PDE4D: variants seen among roughly 807,000 people sequenced by gnomAD.
The protein encoded by PDE4D is phosphodiesterase 4D.
In PDE4D, 24 loss-of-function variants were observed where a neutral mutation model predicts 87.4. The ratio of observed to expected loss-of-function variants is 0.27; its 90% CI spans 0.20 to 0.39. The LOEUF is 0.39. Ranked by LOEUF, PDE4D falls within the 10% of genes least tolerant of loss-of-function variation. PDE4D has a pLI of 1.00. For missense variants in PDE4D, 714 were observed against 1,041.0 expected (o/e 0.69, Z 4.32); for synonymous variants, 384 against 383.2 (o/e 1.00, Z -0.02).
intron 1 of PDE4D, among the ~76,000 whole-genome samples, chr5:60,227,903 C>T (rs1045981819): frequency 2.6e-5 from 4 of 151,976 alleles, no homozygotes; most frequent in Non-Finnish European, 4.4e-5. Flanking sequence ...TCATTGCAGT[C>T]GCACGTCACA....
chr5:60,056,294 C>A (rs1194166949), intron 2 of PDE4D, among the ~76,000 whole-genome samples: 1 of 152,000 alleles, frequency 6.6e-6, no homozygotes, highest in African/African-American at 2.4e-5. Context: ...ATGAGGCTGG[C>A]AGGCTGCACT....
intron 1 of PDE4D, among the ~76,000 whole-genome samples, chr5:60,263,342 C>T (rs1411283523): frequency 2.6e-5 from 4 of 152,166 alleles, no homozygotes; most frequent in African/African-American, 4.8e-5. Flanking sequence ...TTCCTTAACA[C>T]CTGAGACAAC....
intron 1 of PDE4D, among the ~76,000 whole-genome samples, chr5:59,502,688 G>A (rs1240977745): frequency 6.6e-6 from 1 of 151,228 alleles, no homozygotes; most frequent in African/African-American, 2.4e-5. Context: ...GTGTGTGTGT[G>A]TGTGTGTGTG....
At chr5:59,648,067 T>C (rs1485947606) in intron 1 of PDE4D, among the ~76,000 whole-genome samples, 1 of 152,206 alleles carries the variant, frequency 6.6e-6, no homozygotes, top group Non-Finnish European at 1.5e-5. Flanking sequence ...ACTTAGACTC[T>C]TGGATGATTC....
intron 1 of PDE4D, chr5:60,460,252 G>T: frequency 8.9e-7 from 1 of 1,126,062 alleles, no homozygotes; most frequent in Non-Finnish European, 1.4e-6. Context: ...CTTTGAAGAT[G>T]GATCACCACT....
intron 1 of PDE4D, among the ~76,000 whole-genome samples, chr5:59,483,256 A>G (rs1032823075): frequency 2.6e-5 from 4 of 152,168 alleles, no homozygotes; most frequent in African/African-American, 9.7e-5. Context: ...CTGTGGGAGT[A>G]AATTCCTTAA....
chr5:59,403,192 G>C (rs917061518), intron 1 of PDE4D, among the ~76,000 whole-genome samples: 3 of 152,008 alleles, frequency 2.0e-5, no homozygotes, highest in Non-Finnish European at 4.4e-5. Flanking sequence ...TAGATAGATT[G>C]ATTGATTTAT....
upstream of PDE4D, among the ~76,000 whole-genome samples, chr5:59,898,631 G>T (rs1037652682): frequency 3.3e-5 from 5 of 152,168 alleles, no homozygotes; most frequent in Non-Finnish European, 5.9e-5. Context: ...AAGGCATTTT[G>T]GGCAGAGACT....
chr5:59,104,016 G>A (rs867761963), intron 5 of PDE4D, among the ~76,000 whole-genome samples: 4 of 151,482 alleles, frequency 2.6e-5, no homozygotes, highest in African/African-American at 4.8e-5. Context: ...AGTGATAATC[G>A]AATTAGATAA....
intron 1 of PDE4D, among the ~76,000 whole-genome samples, chr5:60,467,940 C>G (rs1432643686): frequency 6.6e-6 from 1 of 152,140 alleles, no homozygotes; most frequent in Non-Finnish European, 1.5e-5. Flanking sequence ...CCAGGCTCCT[C>G]CTCTGACACA....
At chr5:59,959,522 A>T (rs1759231583) in intron 3 of PDE4D, among the ~76,000 whole-genome samples, 1 of 152,182 alleles carries the variant, frequency 6.6e-6, no homozygotes, top group African/African-American at 2.4e-5. Context: ...CACATAGACC[A>T]ATGAAACAGA....
intron 1 of PDE4D, among the ~76,000 whole-genome samples, chr5:59,695,891 G>A (rs6861008): frequency 0.072 from 10,907 of 152,204 alleles, 1,205 homozygotes; most frequent in African/African-American, 0.24. Flanking sequence ...TTACAGGCAT[G>A]AGACACTGCT....
chr5:59,202,033 A>ATTTTTTTTTTTTTTTT (rs10641798), intron 2 of PDE4D, among the ~76,000 whole-genome samples: 1 of 95,258 alleles, frequency 1.0e-5, no homozygotes, highest in Non-Finnish European at 1.9e-5. Context: ...TGTTTTGATC[A>ATTTTTTTTTTTTTTTT]TTTTTTTTTT....
chr5:59,948,895 G>A (rs1190567877), intron 3 of PDE4D, among the ~76,000 whole-genome samples: 1 of 152,176 alleles, frequency 6.6e-6, no homozygotes, highest in East Asian at 1.9e-4. Context: ...GCCCCAACTG[G>A]TCACCTACTT....
intron 11 of PDE4D, among the ~76,000 whole-genome samples, chr5:58,978,407 C>T (rs952945433): frequency 6.6e-6 from 1 of 152,044 alleles, no homozygotes; most frequent in African/African-American, 2.4e-5. Flanking sequence ...CAGAGCAAGA[C>T]TCTGTTTCAA....
intron 1 of PDE4D, among the ~76,000 whole-genome samples, chr5:60,275,028 T>C: frequency 6.6e-6 from 1 of 152,082 alleles, no homozygotes; most frequent in East Asian, 1.9e-4. Context: ...CTTGAAGGAG[T>C]TGTTAAAACA....
At chr5:59,933,513 A>C (rs1756204064) in intron 3 of PDE4D, among the ~76,000 whole-genome samples, 2 of 152,192 alleles carry the variant, frequency 1.3e-5, no homozygotes, top group Admixed American at 1.3e-4. Context: ...CAGGGCTCCT[A>C]CTATGTGCCA....
chr5:60,135,449 TG>T (rs1562136416), intron 2 of PDE4D, among the ~76,000 whole-genome samples: 1 of 152,174 alleles, frequency 6.6e-6, no homozygotes, highest in Non-Finnish European at 1.5e-5. Flanking sequence ...GCATATCTCA[TG>T]GAAGACTAAC....
intron 1 of PDE4D, among the ~76,000 whole-genome samples, chr5:59,630,599 T>C (rs557051632): frequency 7.9e-5 from 12 of 152,334 alleles, no homozygotes; most frequent in African/African-American, 2.9e-4. Context: ...AACACTTCAA[T>C]TGGCAAAAAT....
Sources: allele counts gnomAD v4.1 joint callset (sites outside exome capture counted in the v4.1 genomes callset), GRCh38; gene constraint gnomAD v4.1.1; transcripts MANE v1.5; gene names NCBI Gene and HGNC (gene_info 2026-07-23, HGNC 2026-07-21).